TARS3: variants seen among roughly 807,000 people sequenced by gnomAD.
TARS3 encodes the protein threonyl-tRNA synthetase 3.
Under a neutral mutation model 103.5 loss-of-function variants are expected in TARS3, and 94 were observed. The ratio of observed to expected loss-of-function variants is 0.91; its 90% CI spans 0.77 to 1.08. The LOEUF (loss-of-function observed/expected upper bound fraction) is 1.08. TARS3 is among the 50% of genes least tolerant of loss of function. The pLI, the probability that TARS3 is intolerant of heterozygous loss-of-function variation, is 0.00. For missense variants in TARS3, 952 were observed against 995.2 expected (o/e 0.96, Z 0.58); for synonymous variants, 416 against 355.4 (o/e 1.17, Z -1.92).
chr15:101,720,211 T>C (rs1476038698), intron 3 of TARS3, among the ~76,000 whole-genome samples: 1 of 152,236 alleles, frequency 6.6e-6, no homozygotes, highest in African/African-American at 2.4e-5. Flanking sequence ...ATTTCAGTTG[T>C]TGAAACAGTT....
chr15:101,704,451 G>A (rs192247012), intron 7 of TARS3, among the ~76,000 whole-genome samples: 1,730 of 152,094 alleles, frequency 0.011, 14 homozygotes, highest in Non-Finnish European at 0.018. Flanking sequence ...TCAGGCATTC[G>A]AGACCAGCCT....
intron 6 of TARS3, among the ~76,000 whole-genome samples, chr15:101,707,358 C>G (rs768853094): frequency 6.6e-6 from 1 of 152,148 alleles, no homozygotes; most frequent in Non-Finnish European, 1.5e-5. Flanking sequence ...AGAAGTAAAG[C>G]AGAGACTCAA....
intron 13 of TARS3, among the ~76,000 whole-genome samples, chr15:101,672,829 A>T (rs1316094866): frequency 6.6e-6 from 1 of 152,184 alleles, no homozygotes; most frequent in Non-Finnish European, 1.5e-5. Context: ...TGTTTCTCAA[A>T]GGAGAAGGAA....
At chr15:101,706,087 T>C (rs1899544914) in intron 6 of TARS3, among the ~76,000 whole-genome samples, 1 of 152,132 alleles carries the variant, frequency 6.6e-6, no homozygotes. Flanking sequence ...CAGCCTCCCG[T>C]GTAGCTGGAA....
intron 12 of TARS3, among the ~76,000 whole-genome samples, chr15:101,682,937 TGC>T (rs1230741533): frequency 6.6e-6 from 1 of 152,222 alleles, no homozygotes; most frequent in African/African-American, 2.4e-5. Context: ...TTCATAAAAC[TGC>T]CTTATCTTTT....
At chr15:101,696,674 C>T (rs1266113036) in intron 10 of TARS3, among the ~76,000 whole-genome samples, 1 of 152,148 alleles carries the variant, frequency 6.6e-6, no homozygotes, top group Admixed American at 6.5e-5. Flanking sequence ...CCAAAGGACC[C>T]CAGAGAAACC....
intron 10 of TARS3, among the ~76,000 whole-genome samples, chr15:101,700,762 C>T (rs902253276): frequency 1.3e-5 from 2 of 152,020 alleles, no homozygotes; most frequent in Non-Finnish European, 2.9e-5. Context: ...TCCTGCCAGC[C>T]TCCCAAGTAG....
At chr15:101,718,502 A>G (rs1030916926) in intron 3 of TARS3, among the ~76,000 whole-genome samples, 1 of 152,142 alleles carries the variant, frequency 6.6e-6, no homozygotes, top group Non-Finnish European at 1.5e-5. Context: ...CAACTGACTA[A>G]AAGTTCAGAA....
intron 15 of TARS3, among the ~76,000 whole-genome samples, chr15:101,663,427 A>G (rs1054111910): frequency 2.0e-5 from 3 of 152,266 alleles, no homozygotes; most frequent in African/African-American, 7.2e-5. Context: ...GTAGTGGCCT[A>G]TGCCATCTAG....
intron 3 of TARS3, among the ~76,000 whole-genome samples, chr15:101,719,732 A>G (rs1372954207): frequency 1.3e-5 from 2 of 152,166 alleles, no homozygotes; most frequent in Non-Finnish European, 2.9e-5. Flanking sequence ...CCCAGCTTCC[A>G]CCGCTAGACA....
At chr15:101,695,187 C>G (rs925353377) in intron 10 of TARS3, among the ~76,000 whole-genome samples, 2 of 152,144 alleles carry the variant, frequency 1.3e-5, no homozygotes, top group Non-Finnish European at 2.9e-5. Flanking sequence ...CAAATGTATA[C>G]AGTCATGCGA....
At chr15:101,679,375 ATGTC>A (rs1285371610) in intron 12 of TARS3, among the ~76,000 whole-genome samples, 7 of 152,020 alleles carry the variant, frequency 4.6e-5, no homozygotes, top group African/African-American at 1.7e-4. Flanking sequence ...TCTTGTCATT[ATGTC>A]TGTCTTCACC....
chr15:101,703,964 C>T (rs755500775), intron 7 of TARS3, 27 bp from the exon 8 acceptor site: 1 of 1,516,294 alleles, frequency 6.6e-7, no homozygotes, highest in Non-Finnish European at 9.2e-7. Flanking sequence ...AGGACATGCT[C>T]AGGCACAGTT....
chr15:101,715,688 T>C (rs930227198), intron 3 of TARS3, among the ~76,000 whole-genome samples: 4 of 152,198 alleles, frequency 2.6e-5, no homozygotes, highest in Non-Finnish European at 2.9e-5. Flanking sequence ...TCTGGAAGTA[T>C]TGTATTTATT....
chr15:101,684,365 G>A, intron 11 of TARS3, 128 bp from the exon 12 acceptor site: 4 of 918,984 alleles, frequency 4.4e-6, no homozygotes, highest in Non-Finnish European at 4.5e-6. Context: ...TAGATCACCA[G>A]GTTAAAAAAA....
At chr15:101,693,576 C>A (rs1596309761) in intron 10 of TARS3, among the ~76,000 whole-genome samples, 2 of 152,136 alleles carry the variant, frequency 1.3e-5, no homozygotes, top group East Asian at 3.8e-4. Flanking sequence ...AAAATGAAAA[C>A]CTATGTTCAT....
Position 101,724,263 on chromosome 15 carries a change from C to G in TARS3, c.125G>C (p.Ser42Thr). Reference sequence around the variant, plus strand: ...GAGGCACGGCCCCTCCGCCTGGCAGCTGTAGGGCGCGTTCAGCTGCTCGTC... The same window carrying G: ...GAGGCACGGCCCCTCCGCCTGGCAGGTGTAGGGCGCGTTCAGCTGCTCGTC... ...LRDEQLNAPY[S>T]CQAEGPCLTR... The change falls in exon 1 of 19, where the codon AGC (serine) becomes ACC (threonine). Residue 42 changes from serine to threonine, a missense_variant. Ser to Thr is a moderately conservative substitution (Grantham distance 58). Coordinates refer to ENST00000335968, the MANE Select transcript of TARS3 (RefSeq NM_152334.3). 6.4e-7 allele frequency: 1 copy of G among 1,568,446 alleles called. No homozygotes were observed. The highest frequency in any genetic ancestry group is 8.6e-7 in the Non-Finnish European group (1 of 1,163,804).
intron 2 of TARS3, 31 bp from the exon 3 acceptor site, chr15:101,721,353 T>C (rs772220010): frequency 1.3e-6 from 2 of 1,556,726 alleles, no homozygotes; most frequent in South Asian, 1.1e-5. Context: ...ATGAGATTAA[T>C]ATATACAGCC....
Position 101,685,961 on chromosome 15 carries a change from G to A in TARS3, c.1422C>T (p.Asn474=). The change falls in exon 11 of 19, where the codon AAC becomes AAT. Residue 474 remains asparagine, a synonymous_variant. Transcript: ENST00000335968. ...ASGHWQHYSE[N]MFTFEIEKDT... Reference sequence around the variant, plus strand: ...CCTTTTCAATCTCAAAGGTAAACATGTTCTCGCTGTAATGCTGCCAGTGGC... The same window carrying A: ...CCTTTTCAATCTCAAAGGTAAACATATTCTCGCTGTAATGCTGCCAGTGGC... The A allele has an allele frequency of 1.2e-6, 2 of 1,614,082 alleles. No homozygotes were observed. Among genetic ancestry groups the A allele is most frequent in the Non-Finnish European group, 1.7e-6 (2 of 1,179,946 alleles).
Sources: allele counts gnomAD v4.1 joint callset (sites outside exome capture counted in the v4.1 genomes callset), GRCh38; gene constraint gnomAD v4.1.1; transcripts MANE v1.5; gene names NCBI Gene and HGNC (gene_info 2026-07-23, HGNC 2026-07-21).